The following RBM27 variants were observed in gnomAD, a reference collection of about 807,000 sequenced individuals.
RBM27 encodes RNA binding motif protein 27.
RBM27 carries 22 observed loss-of-function variants against 135.3 expected under a neutral mutation model. That is an observed-to-expected ratio of 0.16 (90% CI 0.12 to 0.23). RBM27 has a LOEUF of 0.23. RBM27 is among the 10% of genes least tolerant of loss of function. RBM27 has a pLI of 1.00. For missense variants in RBM27, 1,009 were observed against 1,281.0 expected, an observed-to-expected ratio of 0.79 and a Z score of 3.24; for synonymous variants, 481 against 442.4, an observed-to-expected ratio of 1.09 and a Z score of -1.10.
intron 10 of RBM27, 65 bp downstream of exon 10, chr5:146,255,157 T>C (rs773221258): frequency 2.4e-5 from 34 of 1,427,750 alleles, no homozygotes; most frequent in Non-Finnish European, 1.9e-6. Context: ...AGTTATTACA[T>C]TTGCATTTCT....
chr5:146,271,684 T>A lies in RBM27; in HGVS notation c.2988+10T>A, dbSNP rs1238975915. 6.3e-7 allele frequency: 1 copy of A among 1,598,636 alleles called. No individual in the cohort carries two copies. Among genetic ancestry groups the A allele is most frequent in the Non-Finnish European group, 8.6e-7 (1 of 1,166,904 alleles). On this transcript the variant is annotated intron_variant, in intron 19 of 20. Coordinates refer to ENST00000265271, the MANE Select transcript of RBM27 (RefSeq NM_018989.2). ...GCTTCAGCATTTCTCAGTAAGTTTT[T>A]AAAATAGCAAATGCTAACTGTAAAA...
chr5:146,225,842 G>A (rs968549107), intron 3 of RBM27, among the ~76,000 whole-genome samples: 9 of 151,620 alleles, frequency 5.9e-5, no homozygotes, highest in Non-Finnish European at 1.3e-4. Context: ...GGGATTACAG[G>A]GGTGAGCCAC....
Position 146,260,772 on chromosome 5 carries a change from A to C in RBM27, c.1767A>C (p.Pro589=). 6.2e-7 allele frequency: 1 copy of C among 1,609,140 alleles called. No homozygotes were observed. The change falls in exon 12 of 21, where the codon CCA becomes CCC. Residue 589 remains proline, a synonymous_variant. Coordinates refer to ENST00000265271, the MANE Select transcript of RBM27 (RefSeq NM_018989.2). The part of the protein sequence containing the change: ...GKQGNNNQNK[P]GFLRKNQYTN... ...AAGGAAATAACAATCAAAATAAACC[A>C]GGGTTCTTACGAAAGAATCAGTATA... is the stretch of plus-strand genomic sequence containing the variant.
chr5:146,228,491 A>T (rs1399649907), intron 3 of RBM27, among the ~76,000 whole-genome samples: 2 of 151,734 alleles, frequency 1.3e-5, no homozygotes, highest in South Asian at 4.2e-4. Flanking sequence ...CATGTTGGCC[A>T]TGCTGGTCTC....
chr5:146,248,193 A>T (rs1581194537), intron 8 of RBM27, among the ~76,000 whole-genome samples: 1 of 145,308 alleles, frequency 6.9e-6, no homozygotes, highest in East Asian at 2.0e-4. Context: ...AGATTGTCTC[A>T]TCTTTAATCA....
chr5:146,285,862 A>G (rs1759561011), intron 20 of RBM27, 85 bp from the exon 21 acceptor site: 1 of 998,930 alleles, frequency 1.0e-6, no homozygotes, highest in Non-Finnish European at 1.6e-6. Context: ...GGCTTTGTAT[A>G]CTAGCCTGTT....
At chr5:146,255,936 A>G (rs756151909) in intron 10 of RBM27, among the ~76,000 whole-genome samples, 67 of 151,196 alleles carry the variant, frequency 4.4e-4, no homozygotes, top group Middle Eastern at 6.8e-3. Context: ...ACTCACTGCA[A>G]CCTCTGCCTC....
At position 146,210,895 on chromosome 5, in the gene RBM27, C is replaced by T. The variant is rs1028893352; in HGVS notation, c.59+7071C>T. Among the ~76,000 whole-genome samples the T allele has an allele frequency of 5.3e-5, 8 of 151,158 alleles. No individual in the cohort carries two copies. In the East Asian group the frequency reaches 9.8e-4, roughly 18 times the overall value. Reference sequence around the variant, plus strand: ...CTGGGAGGCGGAGGTTGCAGTGAGCCGAGATTGCGCCACCGCACTCCAGCC... The same window carrying T: ...CTGGGAGGCGGAGGTTGCAGTGAGCTGAGATTGCGCCACCGCACTCCAGCC... On this transcript the variant is annotated intron_variant, in intron 1 of 20. Coordinates refer to ENST00000265271, the MANE Select transcript of RBM27 (RefSeq NM_018989.2).
At chr5:146,233,834 G>C in intron 7 of RBM27, 91 bp downstream of exon 7, 1 of 844,296 alleles carries the variant, frequency 1.2e-6, no homozygotes, top group Non-Finnish European at 1.7e-6. Flanking sequence ...TAAAGTGTTT[G>C]AGAAATAGAG....
At chr5:146,222,131 A>G (rs574055454) in intron 2 of RBM27, among the ~76,000 whole-genome samples, 1 of 152,342 alleles carries the variant, frequency 6.6e-6, no homozygotes, top group Non-Finnish European at 1.5e-5. Flanking sequence ...GAAGGGTCTG[A>G]TTATTGTCTT....
At chr5:146,277,517 ATTT>A (rs371321141) in intron 19 of RBM27, among the ~76,000 whole-genome samples, 1 of 125,512 alleles carries the variant, frequency 8.0e-6, no homozygotes. Context: ...TACTGGGATA[ATTT>A]TTTTTTTTTT....
At chr5:146,206,980 G>A (rs1003976647) in intron 1 of RBM27, among the ~76,000 whole-genome samples, 3 of 152,088 alleles carry the variant, frequency 2.0e-5, no homozygotes, top group Non-Finnish European at 4.4e-5. Flanking sequence ...TTTATTCTTA[G>A]TATGTCATCA....
At chr5:146,220,771 T>A (rs1225769159) in intron 2 of RBM27, among the ~76,000 whole-genome samples, 1 of 152,172 alleles carries the variant, frequency 6.6e-6, no homozygotes, top group Non-Finnish European at 1.5e-5. Context: ...TACAGATGTT[T>A]TCTTTTCTAA....
intron 7 of RBM27, 71 bp from the exon 8 acceptor site, chr5:146,237,227 T>A: frequency 6.3e-7 from 1 of 1,579,384 alleles, no homozygotes; most frequent in South Asian, 1.1e-5. Flanking sequence ...TGTGAGCCAC[T>A]GCTCCTGGCC....
intron 13 of RBM27, 110 bp from the exon 14 acceptor site, chr5:146,263,381 C>T (rs1352369138): frequency 7.6e-6 from 8 of 1,055,400 alleles, no homozygotes; most frequent in Non-Finnish European, 1.1e-5. Context: ...GAAGCACCTT[C>T]CCGTTCCCAT....
chr5:146,261,470 T>C, intron 12 of RBM27, 40 bp from the exon 13 acceptor site: 1 of 1,538,924 alleles, frequency 6.5e-7, no homozygotes, highest in South Asian at 1.1e-5. Context: ...TTTAACTATT[T>C]TCTGTTTTTG....
rs766373132 is a variant in RBM27, at chr5:146,251,822, G to A, written c.1391G>A (p.Gly464Glu). The A allele has an allele frequency of 6.2e-7, 1 of 1,613,884 alleles. No homozygotes were observed. Among genetic ancestry groups the A allele is most frequent in the East Asian group, 2.2e-5 (1 of 44,878 alleles). The change falls in exon 9 of 21, where the codon GGA becomes GAA. Residue 464 changes from glycine (G) to glutamate (E), a missense_variant. Gly to Glu is a moderately conservative substitution (Grantham distance 98). Transcript: ENST00000265271. ...TTGGTGCCACCTCGAAACCTCATGG[G>A]ATCCTCCATTGGATACCATACCTCA... ...ARLVPPRNLM[G>E]SSIGYHTSVS...
At chr5:146,215,186 A>G (rs920320161) in intron 1 of RBM27, among the ~76,000 whole-genome samples, 12 of 152,082 alleles carry the variant, frequency 7.9e-5, no homozygotes, top group African/African-American at 2.9e-4. Context: ...AGTAGCTGGG[A>G]TTACAGGTGC....
chr5:146,224,214 G>C (rs976432459), intron 3 of RBM27, among the ~76,000 whole-genome samples: 9 of 152,106 alleles, frequency 5.9e-5, no homozygotes, highest in Non-Finnish European at 1.5e-5. Context: ...AGTACTTATT[G>C]AGGATTAAGT....
Sources: allele counts gnomAD v4.1 joint callset (sites outside exome capture counted in the v4.1 genomes callset), GRCh38; gene constraint gnomAD v4.1.1; transcripts MANE v1.5; gene names NCBI Gene and HGNC (gene_info 2026-07-23, HGNC 2026-07-21).